The following ACER3 variants were observed in gnomAD, a reference collection of about 807,000 sequenced individuals.
ACER3 encodes alkaline ceramidase 3, also known as alkCDase 3.
A neutral mutation model predicts 48.9 loss-of-function variants in ACER3; 16 were observed. The observed-to-expected ratio is 0.33, with a 90% CI of 0.22 to 0.50. ACER3 has a LOEUF of 0.50. ACER3 is among the 20% of genes least tolerant of loss of function. ACER3 has a pLI of 0.98. For missense variants in ACER3, 227 were observed against 326.0 expected (o/e 0.70, Z 2.34); for synonymous variants, 109 against 107.8 (o/e 1.01, Z -0.07).
At chr11:76,922,210 C>T (rs189250490) in intron 1 of ACER3, among the ~76,000 whole-genome samples, 68 of 152,272 alleles carry the variant, frequency 4.5e-4, no homozygotes, top group Non-Finnish European at 8.4e-4. Context: ...ATTTGTAAAA[C>T]TTGTGCATTG....
At chr11:76,867,292 G>T (rs867055200) in intron 1 of ACER3, among the ~76,000 whole-genome samples, 23 of 151,706 alleles carry the variant, frequency 1.5e-4, no homozygotes, top group Middle Eastern at 3.4e-3. Context: ...AACATGATGA[G>T]ACACCGTCTC....
intron 2 of ACER3, among the ~76,000 whole-genome samples, chr11:76,934,470 G>A (rs1947115969): frequency 6.6e-6 from 1 of 152,268 alleles, no homozygotes. Context: ...CGGATCACTT[G>A]TGGCTAGGAG....
At chr11:76,920,394 C>T (rs1418530569) in intron 1 of ACER3, among the ~76,000 whole-genome samples, 1 of 152,166 alleles carries the variant, frequency 6.6e-6, no homozygotes, top group African/African-American at 2.4e-5. Flanking sequence ...AGCAACTTCT[C>T]GGCTATTCAG....
In ACER3 at chr11:77,024,751, CAA is replaced by C. The variant is rs1199956460; in HGVS notation, c.*4426_*4427del. ...ACCCATTTTCATGTACTTTAAATAACAAATATTATTTCTCAAGGTCTTCATTT... is the reference window on the plus strand; with the variant it reads ...ACCCATTTTCATGTACTTTAAATAACATATTATTTCTCAAGGTCTTCATTT... On this transcript the variant is annotated 3_prime_UTR_variant, in exon 11 of 11. Coordinates refer to ENST00000532485, the MANE Select transcript of ACER3 (RefSeq NM_018367.7). 1 of 152,184 alleles carries C rather than the reference CAA, an allele frequency of 6.6e-6. No individual in the cohort carries two copies. The highest frequency in any genetic ancestry group is 2.4e-5 in the African/African-American group (1 of 41,454). 9.4% of individuals were successfully genotyped at this position (152,184 alleles called of 1,614,324 possible).
chr11:76,926,778 T>C (rs1590940863), intron 2 of ACER3, 111 bp downstream of exon 2: 1 of 638,546 alleles, frequency 1.6e-6, no homozygotes, highest in Non-Finnish European at 2.6e-6. Flanking sequence ...CTTGAATATA[T>C]TCTGAAACTT....
In ACER3 at chr11:76,934,281, G is replaced by A. The variant is rs1444145036; in HGVS notation, c.214+7614G>A. Among the ~76,000 whole-genome samples, 14 of 152,346 alleles carry A rather than the reference G, an allele frequency of 9.2e-5. No homozygotes were observed. In the East Asian group the frequency reaches 2.3e-3, roughly 25 times the overall value. ...CAGAGACACTCCTCACTTCCCAGACGGGGTGGCGGCCGGGCAGAGGCTGCA... is the reference window on the plus strand; with the variant it reads ...CAGAGACACTCCTCACTTCCCAGACAGGGTGGCGGCCGGGCAGAGGCTGCA... On this transcript the variant is annotated intron_variant, in intron 2 of 10. Transcript: ENST00000532485.
At chr11:76,991,117 G>GTGAGCATAGTACTACTACT (rs1948792437) in intron 6 of ACER3, among the ~76,000 whole-genome samples, 1 of 152,098 alleles carries the variant, frequency 6.6e-6, no homozygotes, top group Non-Finnish European at 1.5e-5. Flanking sequence ...CTACTACACA[G>GTGAGCATAGTACTACTACT]ACTTCTAATC....
chr11:76,992,215 A>C (rs1948819784), intron 6 of ACER3, among the ~76,000 whole-genome samples: 1 of 152,190 alleles, frequency 6.6e-6, no homozygotes, highest in Non-Finnish European at 1.5e-5. Context: ...CAGGCAACAT[A>C]TCTCTTAAAA....
At chr11:76,972,954 A>T (rs1419813121) in intron 3 of ACER3, among the ~76,000 whole-genome samples, 2 of 152,260 alleles carry the variant, frequency 1.3e-5, no homozygotes, top group Admixed American at 6.5e-5. Context: ...AAGGTGCCCG[A>T]CAGTAACTGA....
rs532282293 is a variant in ACER3 at position 76,944,214 on chromosome 11, G to A, written c.215-14765G>A. ...GTCCATTGTTAATTGTTTTCTAGTT[G>A]TCTTTTTGTCTTTGTGGTTTAATGA... On this transcript the variant is annotated intron_variant, in intron 2 of 10. Coordinates refer to ENST00000532485, the MANE Select transcript of ACER3 (RefSeq NM_018367.7). Among the ~76,000 whole-genome samples the A allele has an allele frequency of 1.6e-3, 238 of 151,986 alleles. 1 individual carries two copies. Among genetic ancestry groups the A allele is most frequent in the African/African-American group, 5.4e-3 (223 of 41,508 alleles).
chr11:77,007,319 C>T (rs1949173231), intron 7 of ACER3, among the ~76,000 whole-genome samples: 1 of 152,172 alleles, frequency 6.6e-6, no homozygotes, highest in East Asian at 1.9e-4. Flanking sequence ...TGGGGGACAC[C>T]AATAACAAGA....
chr11:76,865,856 G>T (rs1258124404), intron 1 of ACER3, among the ~76,000 whole-genome samples: 2 of 129,874 alleles, frequency 1.5e-5, no homozygotes, highest in Non-Finnish European at 3.2e-5. Flanking sequence ...TCATTCTGTC[G>T]CCCAGGCTGG....
chr11:76,924,072 C>T (rs1946754886), intron 1 of ACER3, among the ~76,000 whole-genome samples: 1 of 152,126 alleles, frequency 6.6e-6, no homozygotes, highest in Non-Finnish European at 1.5e-5. Context: ...ATCAGGGAGC[C>T]TGCCAAGGTC....
intron 1 of ACER3, among the ~76,000 whole-genome samples, chr11:76,897,900 A>G (rs1326026182): frequency 6.6e-6 from 1 of 152,240 alleles, no homozygotes; most frequent in East Asian, 1.9e-4. Context: ...ACAACATTAT[A>G]CTTTGGGATA....
intron 1 of ACER3, among the ~76,000 whole-genome samples, chr11:76,867,618 T>G (rs1453148923): frequency 6.6e-6 from 1 of 151,740 alleles, no homozygotes; most frequent in Non-Finnish European, 1.5e-5. Flanking sequence ...TGTCCAAGAA[T>G]TGACATATTA....
At chr11:76,951,970 C>A (rs1351750000) in intron 2 of ACER3, among the ~76,000 whole-genome samples, 1 of 152,252 alleles carries the variant, frequency 6.6e-6, no homozygotes, top group East Asian at 1.9e-4. Flanking sequence ...AACATTATTT[C>A]TTGGATGCTT....
At chr11:77,000,492 T>G (rs757198324) in intron 7 of ACER3, among the ~76,000 whole-genome samples, 10 of 152,222 alleles carry the variant, frequency 6.6e-5, no homozygotes, top group Admixed American at 3.9e-4. Flanking sequence ...TACCTACCTA[T>G]AGATCCCAAA....
rs1826992089 is a variant in ACER3, at chr11:77,021,582, A to T, written c.*1255A>T. ...TCATATTTGTAGCTCTGCATCATTT[A>T]GCATTTTTATGACTTTTTTTGCTTT... On this transcript the variant is annotated 3_prime_UTR_variant, in exon 11 of 11. Transcript: ENST00000532485. 6.6e-6 allele frequency: 1 copy of T among 152,206 alleles called. No homozygotes were observed. The highest frequency in any genetic ancestry group is 6.5e-5 in the Admixed American group (1 of 15,280). The allele number at this position is 152,206 out of a possible 1,614,324, so 9.4% of individuals were successfully genotyped here.
At chr11:76,963,746 C>G (rs1316272959) in intron 3 of ACER3, among the ~76,000 whole-genome samples, 1 of 151,416 alleles carries the variant, frequency 6.6e-6, no homozygotes, top group Non-Finnish European at 1.5e-5. Flanking sequence ...TCAAGAGGTC[C>G]TTTGATTTCC....
Sources: allele counts gnomAD v4.1 joint callset (sites outside exome capture counted in the v4.1 genomes callset), GRCh38; gene constraint gnomAD v4.1.1; transcripts MANE v1.5; gene names NCBI Gene and HGNC (gene_info 2026-07-23, HGNC 2026-07-21).